The following NHSL1 variants were observed in gnomAD, a reference collection of about 807,000 sequenced individuals.
NHSL1 encodes the protein NHS-like protein 1.
Under a neutral mutation model 95.0 loss-of-function variants are expected in NHSL1, and 48 were observed. The ratio of observed to expected loss-of-function variants is 0.51; its 90% confidence interval spans 0.40 to 0.64. NHSL1 has a LOEUF of 0.64. Among genes scored for constraint, NHSL1 ranks in the 30% least tolerant of loss-of-function variants. The pLI is 0.00. For missense variants in NHSL1, 1,971 were observed against 2,077.7 expected, an observed-to-expected ratio of 0.95 and a Z score of 1.00; for synonymous variants, 783 against 833.9, an observed-to-expected ratio of 0.94 and a Z score of 1.05.
At chr6:138,639,596 C>T (rs980095550) in intron 1 of NHSL1, among the ~76,000 whole-genome samples, 6 of 150,166 alleles carry the variant, frequency 4.0e-5, no homozygotes, top group South Asian at 2.1e-4. Context: ...AAGCCGAGAT[C>T]GGGCCACTGC....
At chr6:138,663,560 CAAAAAAA>C (rs56870354) in intron 1 of NHSL1, among the ~76,000 whole-genome samples, 2 of 95,530 alleles carry the variant, frequency 2.1e-5, no homozygotes, top group South Asian at 3.6e-4. Context: ...AACTCCATCT[CAAAAAAA>C]AAAAAAAAAA....
intron 1 of NHSL1, among the ~76,000 whole-genome samples, chr6:138,638,389 G>C (rs1784915988): frequency 6.6e-6 from 1 of 152,102 alleles, no homozygotes; most frequent in African/African-American, 2.4e-5. Flanking sequence ...TGGATGGATA[G>C]CTCATTTTCT....
At chr6:138,633,020 A>C (rs1286100351) in intron 1 of NHSL1, among the ~76,000 whole-genome samples, 1 of 152,186 alleles carries the variant, frequency 6.6e-6, no homozygotes, top group Non-Finnish European at 1.5e-5. Flanking sequence ...ATAATTAAAA[A>C]TAATCAAGCA....
At chr6:138,665,088 T>C (rs1785277758) in intron 1 of NHSL1, among the ~76,000 whole-genome samples, 1 of 152,238 alleles carries the variant, frequency 6.6e-6, no homozygotes, top group Admixed American at 6.5e-5. Context: ...AAGAGACAGA[T>C]GCAATAAAAT....
At chr6:138,541,329 T>A (rs1045774631) in intron 1 of NHSL1, among the ~76,000 whole-genome samples, 2 of 152,158 alleles carry the variant, frequency 1.3e-5, no homozygotes, top group Non-Finnish European at 2.9e-5. Flanking sequence ...ATCGCACTAC[T>A]GCACTCCAGC....
chr6:138,657,176 C>G (rs1785168080), intron 1 of NHSL1, among the ~76,000 whole-genome samples: 2 of 152,118 alleles, frequency 1.3e-5, no homozygotes. Context: ...AACGTCCAGT[C>G]TGCAGTCAGT....
chr6:138,627,351 G>A (rs904950655), intron 1 of NHSL1, among the ~76,000 whole-genome samples: 3 of 152,128 alleles, frequency 2.0e-5, no homozygotes, highest in Non-Finnish European at 4.4e-5. Flanking sequence ...TTAATAGAAT[G>A]TTCCTGAATG....
At chr6:138,451,870 T>C (rs78761968) in intron 3 of NHSL1, among the ~76,000 whole-genome samples, 1 of 152,180 alleles carries the variant, frequency 6.6e-6, no homozygotes, top group African/African-American at 2.4e-5. Context: ...GAATGAAACC[T>C]TTTGAAAAGC....
intron 5 of NHSL1, among the ~76,000 whole-genome samples, chr6:138,438,018 T>C (rs1776299009): frequency 6.6e-6 from 1 of 152,202 alleles, no homozygotes; most frequent in African/African-American, 2.4e-5. Flanking sequence ...ATTCAGAATA[T>C]TATATGAACT....
upstream of NHSL1, among the ~76,000 whole-genome samples, chr6:138,577,122 C>A (rs919681212): frequency 3.9e-5 from 6 of 152,056 alleles, no homozygotes; most frequent in African/African-American, 1.2e-4. Flanking sequence ...CCATAAGACA[C>A]AATATTTTAT....
In NHSL1 at chr6:138,585,636, G is replaced by GA. The variant is rs1339309428; in HGVS notation, c.97-89266dup. On this transcript the variant is annotated intron_variant, in intron 1 of 3. Coordinates refer to the NHSL1 transcript ENST00000491526. ...TTGTTTCACTGGTAATTTTTCTAAG[G>GA]AAAAAAAAAAGTGAACACAGAAGAA... Among the ~76,000 whole-genome samples the GA allele has an allele frequency of 2.0e-3, 296 of 145,246 alleles. 3 individuals carry two copies. The highest frequency in any genetic ancestry group is 0.014 in the East Asian group (71 of 5,070).
Position 138,621,853 on chromosome 6 carries a change from C to T in NHSL1, c.96+70623G>A, listed in dbSNP as rs117771689. On this transcript the variant is annotated intron_variant, in intron 1 of 3. Coordinates refer to the NHSL1 transcript ENST00000491526. ...CACTGTCACTGTCACAGAAAGGCCA[C>T]GCTTCAGGGCCAGCCCTAGCAAGGA... Among the ~76,000 whole-genome samples the T allele has an allele frequency of 2.0e-3, 311 of 152,346 alleles. 3 individuals are homozygous for T. Among genetic ancestry groups the T allele is most frequent in the East Asian group, 0.015 (78 of 5,186 alleles).
chr6:138,433,725 C>T (rs1775876091), intron 5 of NHSL1, 45 bp from the exon 6 acceptor site: 2 of 1,471,578 alleles, frequency 1.4e-6, no homozygotes, highest in Non-Finnish European at 1.8e-6. Context: ...AAATAAAATC[C>T]ATAGTTCATC....
chr6:138,484,693 A>C (rs1458341264), intron 2 of NHSL1, among the ~76,000 whole-genome samples: 1 of 152,204 alleles, frequency 6.6e-6, no homozygotes, highest in Non-Finnish European at 1.5e-5. Flanking sequence ...CATTTTGATT[A>C]ATATTCTTGC....
intron 1 of NHSL1, among the ~76,000 whole-genome samples, chr6:138,522,000 G>C (rs536152699): frequency 2.8e-4 from 42 of 152,284 alleles, no homozygotes; most frequent in Middle Eastern, 3.4e-3. Context: ...TCCAACAGAG[G>C]AAACTGTTTC....
At chr6:138,457,379 A>C (rs1270724745) in intron 3 of NHSL1, among the ~76,000 whole-genome samples, 2 of 152,132 alleles carry the variant, frequency 1.3e-5, no homozygotes, top group African/African-American at 4.8e-5. Context: ...AACATAACAC[A>C]TAGAGTCCTA....
intron 7 of NHSL1, among the ~76,000 whole-genome samples, chr6:138,428,726 T>G (rs1775427839): frequency 6.6e-6 from 1 of 152,158 alleles, no homozygotes; most frequent in African/African-American, 2.4e-5. Flanking sequence ...GGGAAAGCAG[T>G]GCTGACATAA....
intron 1 of NHSL1, among the ~76,000 whole-genome samples, chr6:138,601,344 C>CT (rs1333084689): frequency 2.0e-5 from 3 of 152,228 alleles, no homozygotes; most frequent in African/African-American, 7.2e-5. Flanking sequence ...ATGTAAAACA[C>CT]TGCTGGCAAT....
chr6:138,522,523 T>C (rs1295792760), intron 1 of NHSL1, among the ~76,000 whole-genome samples: 1 of 152,070 alleles, frequency 6.6e-6, no homozygotes, highest in Non-Finnish European at 1.5e-5. Flanking sequence ...GCACCTGTAA[T>C]CCCTGTAATC....
Sources: allele counts gnomAD v4.1 joint callset (sites outside exome capture counted in the v4.1 genomes callset), GRCh38; gene constraint gnomAD v4.1.1; transcripts MANE v1.5; gene names NCBI Gene and HGNC (gene_info 2026-07-23, HGNC 2026-07-21).